Variants in LPP observed in about 807,000 individuals in gnomAD.
The protein encoded by LPP is lipoma-preferred partner.
LPP carries 38 observed loss-of-function variants against 60.4 expected under a neutral mutation model. That is an observed-to-expected ratio of 0.63 (90% CI 0.49 to 0.83). The LOEUF (loss-of-function observed/expected upper bound fraction) is 0.83, where lower values mean the gene tolerates loss of function less well. Among genes scored for constraint, LPP ranks in the 40% least tolerant of loss-of-function variants. The probability of loss-of-function intolerance (pLI) is 0.00; values close to 1 mark genes in which losing one functional copy is unlikely to be tolerated. For missense variants in LPP, 902 were observed against 783.6 expected (o/e 1.15, Z -1.80); for synonymous variants, 328 against 290.8 (o/e 1.13, Z -1.30).
chr3:188,748,173 A>G (rs1490861931), intron 8 of LPP, among the ~76,000 whole-genome samples: 1 of 152,180 alleles, frequency 6.6e-6, no homozygotes, highest in Non-Finnish European at 1.5e-5. Flanking sequence ...AGTTTATTTT[A>G]GAGGAATTCT....
chr3:188,602,167 AT>A (rs1841424758), intron 6 of LPP, among the ~76,000 whole-genome samples: 2 of 128,602 alleles, frequency 1.6e-5, no homozygotes, highest in Admixed American at 8.0e-5. Context: ...TATATATAAT[AT>A]ATATATATTA....
At chr3:188,706,272 C>T (rs1474153910) in intron 7 of LPP, among the ~76,000 whole-genome samples, 1 of 152,162 alleles carries the variant, frequency 6.6e-6, no homozygotes, top group East Asian at 1.9e-4. Flanking sequence ...TTCCCTGTCT[C>T]ACAAAGAGGA....
chr3:188,826,623 G>A (rs9867093), intron 9 of LPP, among the ~76,000 whole-genome samples: 1 of 151,744 alleles, frequency 6.6e-6, no homozygotes, highest in South Asian at 2.1e-4. Context: ...CTTTGCTCAC[G>A]TTATTTTCTC....
chr3:188,507,848 C>T (rs1814029667), intron 5 of LPP, among the ~76,000 whole-genome samples: 1 of 152,200 alleles, frequency 6.6e-6, no homozygotes. Context: ...GCTTCAGTTT[C>T]TGTCCTTGGT....
At chr3:188,290,370 G>A (rs1191769302) in intron 2 of LPP, among the ~76,000 whole-genome samples, 2 of 152,030 alleles carry the variant, frequency 1.3e-5, no homozygotes, top group Non-Finnish European at 2.9e-5. Context: ...TGTGACCTTG[G>A]ACAAACAACT....
chr3:188,271,125 A>G (rs2149793368), intron 2 of LPP, among the ~76,000 whole-genome samples: 1 of 152,342 alleles, frequency 6.6e-6, no homozygotes, highest in Middle Eastern at 3.4e-3. Context: ...AAAAACAAAA[A>G]TCCCAGTCTT....
chr3:188,415,741 A>G (rs1190152781), intron 4 of LPP, among the ~76,000 whole-genome samples: 1 of 119,098 alleles, frequency 8.4e-6, no homozygotes, highest in Non-Finnish European at 1.7e-5. Context: ...TAAAGGACAT[A>G]TTCATGATTG....
At chr3:188,314,085 A>G (rs1754333596) in intron 2 of LPP, among the ~76,000 whole-genome samples, 1 of 152,052 alleles carries the variant, frequency 6.6e-6, no homozygotes, top group African/African-American at 2.4e-5. Flanking sequence ...TTTCTTTCCA[A>G]TTTTTACAAC....
At chr3:188,585,916 C>A (rs1837328024) in intron 6 of LPP, among the ~76,000 whole-genome samples, 1 of 152,150 alleles carries the variant, frequency 6.6e-6, no homozygotes, top group South Asian at 2.1e-4. Context: ...GGCTGTGCAT[C>A]CATCTTTAAG....
chr3:188,345,522 G>C (rs914546538), intron 3 of LPP, among the ~76,000 whole-genome samples: 6 of 152,090 alleles, frequency 3.9e-5, no homozygotes, highest in Non-Finnish European at 7.4e-5. Flanking sequence ...GAAGACAGAT[G>C]AGGGATTTAT....
At chr3:188,573,430 T>C (rs1331442022) in intron 6 of LPP, among the ~76,000 whole-genome samples, 1 of 152,094 alleles carries the variant, frequency 6.6e-6, no homozygotes, top group African/African-American at 2.4e-5. Context: ...ACACTTACAA[T>C]GACTGCTGTG....
chr3:188,507,373 G>T (rs1359362548), intron 5 of LPP, among the ~76,000 whole-genome samples: 1 of 151,992 alleles, frequency 6.6e-6, no homozygotes, highest in Non-Finnish European at 1.5e-5. Context: ...TCTATTTTTA[G>T]TCCTTGCTAC....
chr3:188,270,315 A>G (rs933830005), intron 2 of LPP, among the ~76,000 whole-genome samples: 1 of 152,114 alleles, frequency 6.6e-6, no homozygotes, highest in African/African-American at 2.4e-5. Context: ...ACACACACAC[A>G]CACAAACAAT....
intron 8 of LPP, chr3:188,710,002 A>C (rs551154315): frequency 1.3e-5 from 2 of 152,172 alleles, no homozygotes; most frequent in African/African-American, 4.8e-5. Flanking sequence ...ACACCCATCC[A>C]TGGACCACTT....
At chr3:188,829,038 A>G (rs9985234) in intron 9 of LPP, among the ~76,000 whole-genome samples, 119,544 of 151,938 alleles carry the variant, frequency 0.79, 47,939 homozygotes, top group African/African-American at 0.94. Context: ...ACCACCTCTC[A>G]TTTATCTCTA....
chr3:188,288,364 G>A (rs772496713), intron 2 of LPP, among the ~76,000 whole-genome samples: 2 of 152,110 alleles, frequency 1.3e-5, no homozygotes, highest in African/African-American at 2.4e-5. Flanking sequence ...TTCAGATCTC[G>A]TTTGTTGCTC....
At chr3:188,870,172 G>GTATATATA (rs138629189) in intron 10 of LPP, among the ~76,000 whole-genome samples, 23 of 151,198 alleles carry the variant, frequency 1.5e-4, no homozygotes, top group African/African-American at 5.6e-4. Flanking sequence ...GTGTGTTTGT[G>GTATATATA]TATATATATA....
At chr3:188,304,009 AC>A (rs1252117785) in intron 2 of LPP, among the ~76,000 whole-genome samples, 2 of 152,070 alleles carry the variant, frequency 1.3e-5, no homozygotes, top group African/African-American at 4.8e-5. Flanking sequence ...GCGGAAATCT[AC>A]CCTACTTAAC....
chr3:188,473,143 C>G (rs1802280243), intron 4 of LPP, among the ~76,000 whole-genome samples: 1 of 151,946 alleles, frequency 6.6e-6, no homozygotes, highest in African/African-American at 2.4e-5. Context: ...ACTTTTTATT[C>G]TGAAATAATT....
Sources: allele counts gnomAD v4.1 joint callset (sites outside exome capture counted in the v4.1 genomes callset), GRCh38; gene constraint gnomAD v4.1.1; transcripts MANE v1.5; gene names NCBI Gene and HGNC (gene_info 2026-07-23, HGNC 2026-07-21).